Variants in VWA8 observed in about 807,000 individuals in gnomAD.
VWA8 encodes von Willebrand factor A domain containing 8, also known as von Willebrand factor A domain-containing protein 8.
Under a neutral mutation model 241.5 loss-of-function variants are expected in VWA8, and 221 were observed. That is an observed-to-expected ratio of 0.91 (90% CI 0.82 to 1.02). The LOEUF is 1.02. Among genes scored for constraint, VWA8 ranks in the 50% least tolerant of loss-of-function variants. The probability of loss-of-function intolerance (pLI) is 0.00; values close to 1 mark genes in which losing one functional copy is unlikely to be tolerated. For synonymous variants in VWA8, 852 were observed against 827.1 expected (o/e 1.03, Z -0.52); for missense variants, 2,322 against 2,328.7 (o/e 1.00, Z 0.06).
intron 9 of VWA8, among the ~76,000 whole-genome samples, chr13:41,880,187 G>T (rs946995648): frequency 1.3e-5 from 2 of 152,144 alleles, no homozygotes; most frequent in African/African-American, 4.8e-5. Flanking sequence ...AAGCTCTATA[G>T]CAATTTCCAT....
chr13:41,914,299 T>C (rs1441863825), intron 2 of VWA8, among the ~76,000 whole-genome samples: 3 of 152,176 alleles, frequency 2.0e-5, no homozygotes, highest in Admixed American at 2.0e-4. Flanking sequence ...AGGAGAGTAA[T>C]AAAGAAAAGT....
intron 37 of VWA8, among the ~76,000 whole-genome samples, chr13:41,649,397 A>G (rs2044854476): frequency 6.6e-6 from 1 of 152,180 alleles, no homozygotes; most frequent in African/African-American, 2.4e-5. Flanking sequence ...TAATTATTTA[A>G]TGACAAGAAT....
intron 4 of VWA8, among the ~76,000 whole-genome samples, chr13:41,903,598 TA>T (rs1875562578): frequency 2.0e-5 from 3 of 151,954 alleles, no homozygotes; most frequent in African/African-American, 7.2e-5. Flanking sequence ...GGCAAGAATA[TA>T]AAGTACAAAG....
chr13:41,693,706 G>A (rs1391697314), intron 29 of VWA8, among the ~76,000 whole-genome samples: 4 of 151,908 alleles, frequency 2.6e-5, no homozygotes, highest in African/African-American at 9.7e-5. Context: ...AACCTTATGT[G>A]TTGAAATAAA....
intron 17 of VWA8, 72 bp downstream of exon 17, chr13:41,811,153 A>T (rs1870446806): frequency 7.8e-7 from 1 of 1,284,652 alleles, no homozygotes; most frequent in Middle Eastern, 1.9e-4. Flanking sequence ...AATATGCACC[A>T]TCAGTTAAAC....
chr13:41,910,187 T>C (rs368779988), intron 3 of VWA8, among the ~76,000 whole-genome samples: 2 of 152,220 alleles, frequency 1.3e-5, no homozygotes, highest in African/African-American at 4.8e-5. Context: ...CATAATCTCT[T>C]AGCCCTTCTC....
chr13:41,772,087 T>A (rs1293410606), intron 20 of VWA8, among the ~76,000 whole-genome samples: 2 of 150,030 alleles, frequency 1.3e-5, no homozygotes, highest in African/African-American at 4.9e-5. Context: ...ACAGGGTTTC[T>A]CCATGTTGGT....
At chr13:41,830,442 C>T in intron 14 of VWA8, 87 bp downstream of exon 14, 1 of 1,083,608 alleles carries the variant, frequency 9.2e-7, no homozygotes. Flanking sequence ...GTTATCTTGG[C>T]ATTATTCTAG....
chr13:41,879,037 G>A (rs1359330198), intron 9 of VWA8, among the ~76,000 whole-genome samples: 2 of 151,956 alleles, frequency 1.3e-5, no homozygotes, highest in African/African-American at 4.8e-5. Context: ...ATGTGCCCTT[G>A]TTCCCAAGGC....
chr13:41,830,679 T>C, intron 13 of VWA8, 37 bp from the exon 14 acceptor site: 4 of 1,584,536 alleles, frequency 2.5e-6, no homozygotes, highest in Non-Finnish European at 2.6e-6. Context: ...AATAAATTAA[T>C]GTGTTTTGAA....
At chr13:41,838,395 T>A (rs768843360) in intron 12 of VWA8, among the ~76,000 whole-genome samples, 3 of 152,162 alleles carry the variant, frequency 2.0e-5, no homozygotes, top group Non-Finnish European at 4.4e-5. Flanking sequence ...CTACCTCTCT[T>A]ACTGATACTA....
At chr13:41,700,406 A>C (rs1036858948) in intron 28 of VWA8, among the ~76,000 whole-genome samples, 1 of 152,102 alleles carries the variant, frequency 6.6e-6, no homozygotes, top group African/African-American at 2.4e-5. Flanking sequence ...TTTTTTTAGG[A>C]GACAATGCAA....
At chr13:41,665,236 A>G (rs2044978401) in intron 37 of VWA8, among the ~76,000 whole-genome samples, 1 of 152,022 alleles carries the variant, frequency 6.6e-6, no homozygotes, top group African/African-American at 2.4e-5. Context: ...CTAAGTTTCT[A>G]TTTTTTATTG....
chr13:41,873,623 G>A (rs1483390711), intron 9 of VWA8, among the ~76,000 whole-genome samples: 1 of 152,144 alleles, frequency 6.6e-6, no homozygotes, highest in Admixed American at 6.5e-5. Context: ...ACTCTCCCAA[G>A]ACTAAACCAG....
At chr13:41,817,235 AT>A (rs1870734482) in intron 15 of VWA8, among the ~76,000 whole-genome samples, 2 of 152,222 alleles carry the variant, frequency 1.3e-5, no homozygotes, top group Non-Finnish European at 2.9e-5. Context: ...AGGTACATTT[AT>A]TTACAGAATG....
intron 38 of VWA8, 110 bp from the exon 39 acceptor site, chr13:41,611,842 T>A: frequency 8.2e-7 from 1 of 1,220,542 alleles, no homozygotes; most frequent in Non-Finnish European, 1.1e-6. Flanking sequence ...TGTACTTAAC[T>A]AGTAATTAAA....
intron 29 of VWA8, among the ~76,000 whole-genome samples, chr13:41,694,397 A>T (rs866225804): frequency 9.2e-5 from 14 of 152,018 alleles, no homozygotes; most frequent in African/African-American, 3.4e-4. Context: ...TTTCATAAAC[A>T]TCACCCTTAG....
intron 2 of VWA8, among the ~76,000 whole-genome samples, chr13:41,920,393 A>G (rs899913638): frequency 2.6e-5 from 4 of 152,188 alleles, no homozygotes; most frequent in Non-Finnish European, 5.9e-5. Flanking sequence ...AGGCAAGAGC[A>G]AACACATTCA....
chr13:41,864,550 C>G (rs1040821718), intron 12 of VWA8: 1 of 407,452 alleles, frequency 2.5e-6, no homozygotes, highest in Non-Finnish European at 4.8e-6. Flanking sequence ...ATCTTGAAAA[C>G]ATTATGGTAA....
Sources: allele counts gnomAD v4.1 joint callset (sites outside exome capture counted in the v4.1 genomes callset), GRCh38; gene constraint gnomAD v4.1.1; transcripts MANE v1.5; gene names NCBI Gene and HGNC (gene_info 2026-07-23, HGNC 2026-07-21).